RALYL: variants seen among roughly 807,000 people sequenced by gnomAD.
RALYL encodes the protein RNA-binding Raly-like protein.
RALYL carries 29 observed loss-of-function variants against 35.1 expected under a neutral mutation model. The ratio of observed to expected loss-of-function variants is 0.83; its 90% CI spans 0.61 to 1.13. The LOEUF (loss-of-function observed/expected upper bound fraction) is 1.13. RALYL is among the 50% of genes most tolerant of loss of function. The probability of loss-of-function intolerance (pLI) is 0.00; values close to 1 mark genes in which losing one functional copy is unlikely to be tolerated. For missense variants in RALYL, 359 were observed against 360.4 expected (o/e 1.00, Z 0.03); for synonymous variants, 120 against 127.6 (o/e 0.94, Z 0.40).
chr8:84,405,650 G>C (rs1223484787), intron 1 of RALYL, among the ~76,000 whole-genome samples: 3 of 152,070 alleles, frequency 2.0e-5, no homozygotes, highest in Non-Finnish European at 2.9e-5. Flanking sequence ...CCTCTCAAGA[G>C]TTACAGTTTT....
chr8:84,273,039 G>T (rs1203488768), intron 1 of RALYL, among the ~76,000 whole-genome samples: 1 of 152,194 alleles, frequency 6.6e-6, no homozygotes, highest in African/African-American at 2.4e-5. Context: ...ATTTGCATTT[G>T]TCAGCACTGA....
intron 2 of RALYL, among the ~76,000 whole-genome samples, chr8:84,547,952 C>T (rs1564124554): frequency 6.6e-6 from 1 of 152,050 alleles, no homozygotes; most frequent in South Asian, 2.1e-4. Flanking sequence ...CTTTTATCCT[C>T]AAAGTTGTAG....
intron 5 of RALYL, among the ~76,000 whole-genome samples, chr8:84,851,158 TGA>T (rs1482086499): frequency 1.3e-5 from 2 of 152,180 alleles, no homozygotes; most frequent in African/African-American, 4.8e-5. Flanking sequence ...GTTTTGTCAC[TGA>T]GAGATAAGGA....
intron 8 of RALYL, among the ~76,000 whole-genome samples, chr8:84,911,950 G>A (rs894586461): frequency 2.4e-4 from 37 of 152,124 alleles, no homozygotes; most frequent in African/African-American, 8.9e-4. Flanking sequence ...CAGTTGGTAT[G>A]CACCCTCCTC....
intron 1 of RALYL, among the ~76,000 whole-genome samples, chr8:84,493,713 G>T (rs187710072): frequency 3.5e-4 from 53 of 152,112 alleles, no homozygotes; most frequent in African/African-American, 1.2e-3. Flanking sequence ...CCACATAAAT[G>T]TCTTCTTTTG....
chr8:84,367,318 A>ATTTTTTTTTTTTT lies in RALYL; in HGVS notation c.-23-161942_-23-161930dup, dbSNP rs56387511. Among the ~76,000 whole-genome samples the ATTTTTTTTTTTTT allele has an allele frequency of 9.5e-4, 26 of 27,404 alleles. 6 individuals are homozygous for ATTTTTTTTTTTTT. The highest frequency in any genetic ancestry group is 2.4e-3 in the Non-Finnish European group (24 of 10,134). 18.0% of individuals were successfully genotyped at this position (27,404 alleles called of 152,430 possible). ...GCCATCCTGCCCAACTAATTTTTGT[A>ATTTTTTTTTTTTT]TTTTTTTTTTTTTTTTTTTTTTTTT... On this transcript the variant is annotated intron_variant, in intron 1 of 8. Coordinates refer to ENST00000521268, the MANE Select transcript of RALYL (RefSeq NM_173848.7).
At chr8:84,679,349 G>C (rs191543045) in intron 2 of RALYL, 7 of 268,840 alleles carry the variant, frequency 2.6e-5, no homozygotes, top group Non-Finnish European at 4.5e-5. Context: ...TTGAGACATT[G>C]TAAGTAGTTG....
At chr8:84,600,621 C>G (rs1815709125) in intron 2 of RALYL, among the ~76,000 whole-genome samples, 1 of 152,068 alleles carries the variant, frequency 6.6e-6, no homozygotes, top group Admixed American at 6.6e-5. Flanking sequence ...AATTTGCAGG[C>G]CTTTGGGACT....
chr8:84,686,657 G>A (rs370362247), intron 2 of RALYL, among the ~76,000 whole-genome samples: 197 of 152,038 alleles, frequency 1.3e-3, no homozygotes, highest in Non-Finnish European at 1.7e-3. Flanking sequence ...CTCCCATCTC[G>A]GCCTCCCAAA....
At chr8:84,692,059 C>T (rs764563072) in intron 2 of RALYL, among the ~76,000 whole-genome samples, 1 of 151,674 alleles carries the variant, frequency 6.6e-6, no homozygotes, top group African/African-American at 2.4e-5. Context: ...TTTGGAAAAT[C>T]AAAATAGAAG....
At chr8:84,522,449 C>A (rs2058535035) in intron 1 of RALYL, among the ~76,000 whole-genome samples, 1 of 151,724 alleles carries the variant, frequency 6.6e-6, no homozygotes, top group Non-Finnish European at 1.5e-5. Context: ...CGGGGTTTCA[C>A]CGTTTTAGCC....
intron 2 of RALYL, among the ~76,000 whole-genome samples, chr8:84,687,618 T>TA (rs1215152384): frequency 6.6e-6 from 1 of 152,122 alleles, no homozygotes; most frequent in Non-Finnish European, 1.5e-5. Context: ...TGTAATAATT[T>TA]AAAAAATGTG....
At chr8:84,775,953 T>A (rs2133613779) in intron 3 of RALYL, among the ~76,000 whole-genome samples, 1 of 152,328 alleles carries the variant, frequency 6.6e-6, no homozygotes, top group South Asian at 2.1e-4. Flanking sequence ...TCCAGGCTAT[T>A]GAGATCTCCT....
intron 3 of RALYL, among the ~76,000 whole-genome samples, chr8:84,785,089 A>C (rs564391715): frequency 2.6e-5 from 4 of 152,178 alleles, no homozygotes. Flanking sequence ...TGAAACTGAG[A>C]TGCCACATAG....
intron 1 of RALYL, among the ~76,000 whole-genome samples, chr8:84,245,219 G>A (rs1828823716): frequency 6.6e-6 from 1 of 152,038 alleles, no homozygotes; most frequent in Non-Finnish European, 1.5e-5. Context: ...TGTCTTCCAG[G>A]GTTCTCTGGT....
intron 2 of RALYL, among the ~76,000 whole-genome samples, chr8:84,727,979 G>T (rs893493354): frequency 5.9e-5 from 9 of 151,818 alleles, no homozygotes; most frequent in Admixed American, 6.6e-5. Context: ...CGTCCTTTGG[G>T]TATATACCCA....
intron 1 of RALYL, chr8:84,185,365 T>C (rs778871355): frequency 3.3e-5 from 9 of 275,828 alleles, no homozygotes; most frequent in Non-Finnish European, 4.9e-5. Flanking sequence ...GGGTTGGTGA[T>C]AGAGGTGATG....
chr8:84,237,866 G>A (rs1826931049), intron 1 of RALYL, among the ~76,000 whole-genome samples: 2 of 151,904 alleles, frequency 1.3e-5, no homozygotes, highest in South Asian at 4.1e-4. Context: ...GAAGGATGTG[G>A]CATAAGAGTT....
chr8:84,780,468 G>A (rs1817887167), intron 3 of RALYL, among the ~76,000 whole-genome samples: 1 of 152,202 alleles, frequency 6.6e-6, no homozygotes. Context: ...ATACATCTGG[G>A]TAATTGAGGG....
Sources: gnomAD v4.1 joint callset for allele counts (sites outside exome capture counted in the v4.1 genomes callset) on GRCh38, gnomAD v4.1.1 for gene constraint, MANE v1.5 for transcripts, NCBI Gene and HGNC (gene_info 2026-07-23, HGNC 2026-07-21) for gene names.